The following MAOB variants were observed in gnomAD, a reference collection of about 807,000 sequenced individuals.
The protein encoded by MAOB is monoamine oxidase B, also known as amine oxidase [flavin-containing] B.
Under a neutral mutation model 41.9 loss-of-function variants are expected in MAOB, and 15 were observed. The observed-to-expected ratio is 0.36, with a 90% confidence interval of 0.24 to 0.55. The LOEUF is 0.55. MAOB is among the 20% of genes least tolerant of loss of function. The pLI is 0.86. For missense variants in MAOB, 345 were observed against 398.7 expected (o/e 0.87, Z 1.15); for synonymous variants, 167 against 144.2 (o/e 1.16, Z -1.13).
At chrX:43,881,864 C>A in intron 1 of MAOB, among the ~76,000 whole-genome samples, 1 of 112,310 alleles carries the variant, frequency 8.9e-6, no homozygotes, top group East Asian at 2.8e-4. Context: ...CGATGTGGTG[C>A]ATGCTTGCTC....
At chrX:43,773,992 A>G (rs911214050) in intron 12 of MAOB, among the ~76,000 whole-genome samples, 2 of 112,141 alleles carry the variant, frequency 1.8e-5, no homozygotes, top group South Asian at 3.7e-4. Context: ...TTGGCCCCAG[A>G]ATGTTCTCTT....
intron 1 of MAOB, among the ~76,000 whole-genome samples, chrX:43,857,112 TATATAGAGAGAGAGAG>T (rs1313917371): frequency 2.6e-3 from 39 of 14,989 alleles, no homozygotes; most frequent in Admixed American, 6.3e-3. Context: ...TATATATATA[TATATAGAGAGAGAGAG>T]AGAGAGAGAG....
At chrX:43,840,572 G>A (rs1051807984) in intron 2 of MAOB, among the ~76,000 whole-genome samples, 5 of 111,417 alleles carry the variant, frequency 4.5e-5, no homozygotes, top group East Asian at 5.7e-4. Flanking sequence ...TGATTTCTGC[G>A]TTTCCAACTG....
At chrX:43,782,480 G>A (rs1041435672) in intron 8 of MAOB, among the ~76,000 whole-genome samples, 5 of 111,200 alleles carry the variant, frequency 4.5e-5, no homozygotes, top group African/African-American at 1.6e-4. Context: ...AACAAGTTTT[G>A]AAATTGAGGC....
At chrX:43,795,477 T>C (rs146685204) in intron 7 of MAOB, among the ~76,000 whole-genome samples, 2 of 110,434 alleles carry the variant, frequency 1.8e-5, no homozygotes, top group Non-Finnish European at 3.8e-5. Context: ...GATTAAATCA[T>C]TGGCCTCTGG....
At chrX:43,790,127 G>C (rs1170183330) in intron 8 of MAOB, among the ~76,000 whole-genome samples, 1 of 111,782 alleles carries the variant, frequency 8.9e-6, no homozygotes, top group Admixed American at 9.5e-5. Flanking sequence ...GGATTGTTGG[G>C]GCTGCTTAAT....
chrX:43,839,050 T>A, intron 2 of MAOB, 45 bp from the exon 3 acceptor site: 1 of 1,003,334 alleles, frequency 1.0e-6, no homozygotes, highest in Non-Finnish European at 1.3e-6. Flanking sequence ...GTAAAAAATG[T>A]ATAAAATAAC....
At chrX:43,790,998 C>A (rs1412877837) in intron 8 of MAOB, among the ~76,000 whole-genome samples, 1 of 111,737 alleles carries the variant, frequency 8.9e-6, no homozygotes, top group African/African-American at 3.3e-5. Flanking sequence ...TTGCCACCAG[C>A]CAGTCATTTA....
chrX:43,804,842 C>T (rs1255519647), intron 3 of MAOB, among the ~76,000 whole-genome samples: 3 of 111,768 alleles, frequency 2.7e-5, no homozygotes, highest in Admixed American at 9.5e-5. Context: ...TAAATGTTAA[C>T]CTTATCTTAA....
intron 1 of MAOB, among the ~76,000 whole-genome samples, chrX:43,850,107 G>A (rs1339200953): frequency 9.0e-6 from 1 of 111,549 alleles, no homozygotes; most frequent in Non-Finnish European, 1.9e-5. Flanking sequence ...AAGGAGGTTC[G>A]AAGAGATTCA....
chrX:43,865,966 A>C (rs2035362687), intron 1 of MAOB, among the ~76,000 whole-genome samples: 1 of 110,736 alleles, frequency 9.0e-6, no homozygotes, highest in Non-Finnish European at 1.9e-5. Context: ...GCAGGTACAA[A>C]GGCCAGAGGT....
In MAOB at chrX:43,797,264, G is replaced by T. The variant is rs371973652; in HGVS notation, c.479C>A (p.Ser160Tyr). The change falls in exon 6 of 15, where the codon TCT (serine) becomes TAT (tyrosine). Residue 160 changes from serine to tyrosine, a missense_variant and splice_region_variant. Coordinates refer to ENST00000378069, the MANE Select transcript of MAOB (RefSeq NM_000898.5). ...AAAGAGAGTGGCAAGCTGCTTTGCAGATCTGCACAGGAAGAAACAAGAGCA... is the reference window on the plus strand; with the variant it reads ...AAAGAGAGTGGCAAGCTGCTTTGCATATCTGCACAGGAAGAAACAAGAGCA... ...ELLDKLCWTE[S>Y]AKQLATLFVN... 3 of 1,178,134 alleles carry T rather than the reference G, an allele frequency of 2.5e-6. No individual in the cohort carries two copies. Among genetic ancestry groups the T allele is most frequent in the Non-Finnish European group, 3.4e-6 (3 of 878,839 alleles).
intron 3 of MAOB, among the ~76,000 whole-genome samples, chrX:43,831,031 G>A (rs867498508): frequency 1.1e-5 from 1 of 92,879 alleles, no homozygotes; most frequent in African/African-American, 3.8e-5. Context: ...GTGTGTGTGT[G>A]TATGTGTCAG....
intron 9 of MAOB, among the ~76,000 whole-genome samples, chrX:43,780,769 G>C (rs2034322003): frequency 9.0e-6 from 1 of 111,593 alleles, no homozygotes; most frequent in Non-Finnish European, 1.9e-5. Context: ...TTGCTCTTTG[G>C]TTTTGTCTCC....
chrX:43,789,940 G>T (rs777166706), intron 8 of MAOB, among the ~76,000 whole-genome samples: 19 of 111,833 alleles, frequency 1.7e-4, no homozygotes, highest in South Asian at 3.8e-4. Flanking sequence ...TGGGTGGGGG[G>T]TGTGGAGGGG....
intron 11 of MAOB, among the ~76,000 whole-genome samples, chrX:43,775,917 C>T (rs9887326): frequency 0.029 from 3,275 of 112,417 alleles, 143 homozygotes; most frequent in African/African-American, 0.099. Context: ...ATAAAATCAA[C>T]GTAGCAAGTT....
In MAOB at chrX:43,803,325, C is replaced by T. The variant is rs768327519; in HGVS notation, c.359G>A (p.Arg120Lys). The change falls in exon 4 of 15, where the codon AGG (arginine) becomes AAG (lysine). Residue 120 changes from arginine (R) to lysine (K), a missense_variant. Coordinates refer to ENST00000378069, the MANE Select transcript of MAOB (RefSeq NM_000898.5). ...CTCTCGCCCCATGTCATCCATTGTC[C>T]TCCAAAAGTTGTTATGATCTAAGTA... ...ITYLDHNNFW[R>K]TMDDMGREIP... 6.0e-6 allele frequency: 7 copies of T among 1,166,271 alleles called. No individual in the cohort carries two copies. Among genetic ancestry groups the T allele is most frequent in the Non-Finnish European group, 6.8e-6 (6 of 877,481 alleles).
chrX:43,767,589 G>A lies in MAOB; in HGVS notation c.1440C>T (p.Thr480=). 3 of 1,210,830 alleles carry A rather than the reference G, an allele frequency of 2.5e-6. No homozygotes were observed. The highest frequency in any genetic ancestry group is 5.9e-5 in the East Asian group (2 of 33,813). ...VDVPAQPITT[T]FLERHLPSVP... ...CGGAGGGCAAATGTCTCTCCAAAAA[G>A]GTGGTGGTGATGGGCTGTGCAGGGA... The change falls in exon 15 of 15, where the codon ACC becomes ACT. Residue 480 remains threonine (T), a synonymous_variant. Coordinates refer to ENST00000378069, the MANE Select transcript of MAOB (RefSeq NM_000898.5).
At chrX:43,780,264 G>A (rs1356044800) in intron 10 of MAOB, 78 bp downstream of exon 10, 1 of 839,046 alleles carries the variant, frequency 1.2e-6, no homozygotes, top group East Asian at 3.5e-5. Context: ...AAGAAGGAAA[G>A]AAAGAGAAAA....
Sources: allele counts gnomAD v4.1 joint callset (sites outside exome capture counted in the v4.1 genomes callset), GRCh38; gene constraint gnomAD v4.1.1; transcripts MANE v1.5; gene names NCBI Gene and HGNC (gene_info 2026-07-23, HGNC 2026-07-21).